RALGPS1: variants seen among roughly 807,000 people sequenced by gnomAD.
RALGPS1 encodes Ral GEF with PH domain and SH3 binding motif 1, also known as ras-specific guanine nucleotide-releasing factor RalGPS1.
RALGPS1 carries 19 observed loss-of-function variants against 78.8 expected under a neutral mutation model. The ratio of observed to expected loss-of-function variants is 0.24; its 90% CI spans 0.17 to 0.35. The LOEUF (loss-of-function observed/expected upper bound fraction) is 0.35, where lower values mean the gene tolerates loss of function less well. Among genes scored for constraint, RALGPS1 ranks in the 10% least tolerant of loss-of-function variants. RALGPS1 has a pLI of 1.00. For synonymous variants in RALGPS1, 228 were observed against 256.3 expected (o/e 0.89, Z 1.06); for missense variants, 454 against 688.3 (o/e 0.66, Z 3.81).
chr9:127,024,187 AT>A (rs758539337), intron 4 of RALGPS1, among the ~76,000 whole-genome samples: 5 of 152,144 alleles, frequency 3.3e-5, no homozygotes, highest in East Asian at 1.9e-4. Flanking sequence ...TTCAAAATAT[AT>A]TTTTTACAAG....
At chr9:127,168,940 G>A (rs1030273713) in intron 10 of RALGPS1, among the ~76,000 whole-genome samples, 168 bp downstream of exon 10, 1 of 152,210 alleles carries the variant, frequency 6.6e-6, no homozygotes. Context: ...ACAAGCACAC[G>A]CGTGCAGTGT....
At chr9:126,998,700 T>C (rs1588928127) in intron 4 of RALGPS1, among the ~76,000 whole-genome samples, 1 of 152,148 alleles carries the variant, frequency 6.6e-6, no homozygotes, top group Admixed American at 6.5e-5. Flanking sequence ...ATCATGCTGC[T>C]ATAAAGACAC....
intron 4 of RALGPS1, among the ~76,000 whole-genome samples, chr9:127,018,679 T>C (rs1254366525): frequency 1.4e-5 from 2 of 147,884 alleles, no homozygotes; most frequent in African/African-American, 5.0e-5. Flanking sequence ...ATAATAATAA[T>C]AACGATGAAA....
At chr9:127,051,863 T>C (rs1206233008) in intron 6 of RALGPS1, among the ~76,000 whole-genome samples, 1 of 152,150 alleles carries the variant, frequency 6.6e-6, no homozygotes, top group Non-Finnish European at 1.5e-5. Flanking sequence ...GCTACAGATA[T>C]GCATGGACTT....
intron 11 of RALGPS1, among the ~76,000 whole-genome samples, chr9:127,186,400 C>T (rs539745613): frequency 1.8e-4 from 28 of 152,330 alleles, no homozygotes; most frequent in African/African-American, 6.3e-4. Context: ...CTGCTCAGCC[C>T]GCCCAGAGCC....
intron 8 of RALGPS1, among the ~76,000 whole-genome samples, chr9:127,120,800 C>T (rs1352372766): frequency 2.6e-5 from 4 of 151,866 alleles, no homozygotes; most frequent in African/African-American, 9.7e-5. Flanking sequence ...TGCACTCCAG[C>T]CTGGGTGACA....
chr9:126,979,828 A>T (rs1788188923), intron 4 of RALGPS1, among the ~76,000 whole-genome samples: 1 of 152,222 alleles, frequency 6.6e-6, no homozygotes, highest in African/African-American at 2.4e-5. Flanking sequence ...TCGTGGCTGC[A>T]CATCAGAATC....
At chr9:126,937,031 A>G (rs955757209) in intron 1 of RALGPS1, among the ~76,000 whole-genome samples, 6 of 151,978 alleles carry the variant, frequency 3.9e-5, no homozygotes, top group Non-Finnish European at 8.8e-5. Context: ...TTGTATTTTT[A>G]GTAGAGATGG....
At chr9:127,070,222 A>G (rs2050076669) in intron 8 of RALGPS1, among the ~76,000 whole-genome samples, 2 of 152,202 alleles carry the variant, frequency 1.3e-5, no homozygotes, top group African/African-American at 4.8e-5. Context: ...TAATGCTGCC[A>G]CTGATCTGAC....
At chr9:127,192,718 C>G (rs1797281271) in intron 11 of RALGPS1, among the ~76,000 whole-genome samples, 1 of 152,196 alleles carries the variant, frequency 6.6e-6, no homozygotes, top group East Asian at 1.9e-4. Flanking sequence ...GCTATCCAAT[C>G]AAAGAAAAAA....
intron 8 of RALGPS1, among the ~76,000 whole-genome samples, chr9:127,160,510 A>G: frequency 6.6e-6 from 1 of 152,176 alleles, no homozygotes; most frequent in South Asian, 2.1e-4. Flanking sequence ...TGTGTGGGGC[A>G]TGGAAGGAGG....
At chr9:126,958,257 CAG>C (rs905086005) in intron 1 of RALGPS1, among the ~76,000 whole-genome samples, 1 of 150,236 alleles carries the variant, frequency 6.7e-6, no homozygotes, top group Non-Finnish European at 1.5e-5. Context: ...CATCATGAAA[CAG>C]AGCTGAAGGT....
At chr9:126,989,828 G>T (rs531272427) in intron 4 of RALGPS1, 7 of 1,537,828 alleles carry the variant, frequency 4.6e-6, no homozygotes, top group Non-Finnish European at 6.1e-6. Flanking sequence ...TCCTGCATCA[G>T]GCTGGAGCTC....
chr9:127,212,710 C>G lies in RALGPS1; in HGVS notation c.1437C>G (p.Asp479Glu). 1 of 1,611,188 alleles carries G rather than the reference C, an allele frequency of 6.2e-7. No individual in the cohort carries two copies. Among genetic ancestry groups the G allele is most frequent in the Non-Finnish European group, 8.5e-7 (1 of 1,177,502 alleles). Residue 479 changes from aspartate to glutamate, a missense_variant, in exon 16 of 19, where the codon GAC becomes GAG. Coordinates refer to ENST00000259351, the MANE Select transcript of RALGPS1 (RefSeq NM_014636.3). This position sits in a 1 kb window ranked among gnomAD's most constrained non-coding sequence, Gnocchi z 6.0. ...GAGCCAAGTCCTTGCGGGGCACAGA[C>G]AGAAAACACGTAAGTCCCTTGAAAG... Reference protein sequence around the residue: ...YYGAKSLRGTDRKHYKSTPGK... With the variant: ...YYGAKSLRGTERKHYKSTPGK...
At position 127,071,681 on chromosome 9, in the gene RALGPS1, G is replaced by T. The variant is rs1454993516; in HGVS notation, c.610+2325G>T. ...TTTGTTGCATCCTACGTGTTTTGGT[G>T]TGTAATAGTCTCAGTGATATTCTTT... On this transcript the variant is annotated intron_variant, in intron 8 of 18. Transcript: ENST00000259351. Among the ~76,000 whole-genome samples the T allele has an allele frequency of 2.0e-5, 3 of 151,838 alleles. No individual in the cohort carries two copies. The East Asian group carries it at 5.8e-4, about 29-fold the overall frequency.
chr9:127,134,456 G>A (rs577403085), intron 8 of RALGPS1, among the ~76,000 whole-genome samples: 1 of 152,244 alleles, frequency 6.6e-6, no homozygotes, highest in South Asian at 2.1e-4. Context: ...TTAGCTCTGG[G>A]TTTTGAAAAA....
At chr9:126,924,587 C>G (rs1407668042) in intron 1 of RALGPS1, among the ~76,000 whole-genome samples, 1 of 152,174 alleles carries the variant, frequency 6.6e-6, no homozygotes, top group East Asian at 1.9e-4. Flanking sequence ...TGCATGCATC[C>G]TTTTTCAGTA....
chr9:127,013,815 C>T (rs995292164), intron 4 of RALGPS1, among the ~76,000 whole-genome samples: 10 of 152,326 alleles, frequency 6.6e-5, no homozygotes, highest in African/African-American at 1.7e-4. Flanking sequence ...TTCACCTCCT[C>T]TGGCCTTCCC....
chr9:127,200,123 C>T (rs1172933434), intron 14 of RALGPS1, among the ~76,000 whole-genome samples: 2 of 152,142 alleles, frequency 1.3e-5, no homozygotes, highest in Non-Finnish European at 2.9e-5. Flanking sequence ...CCCTCTCACA[C>T]ATTTGTGTGC....
Sources: gnomAD v4.1 joint callset for allele counts (sites outside exome capture counted in the v4.1 genomes callset) on GRCh38, gnomAD v4.1.1 for gene constraint, Gnocchi (gnomAD v3.1) non-coding constraint, MANE v1.5 for transcripts, NCBI Gene and HGNC (gene_info 2026-07-23, HGNC 2026-07-21) for gene names.